Variants in PCCA observed in about 807,000 individuals in gnomAD.
PCCA encodes the protein propionyl-CoA carboxylase subunit alpha.
Under a neutral mutation model 101.3 loss-of-function variants are expected in PCCA, and 74 were observed. The observed-to-expected ratio is 0.73, with a 90% CI of 0.61 to 0.89. The LOEUF is 0.89. Ranked by LOEUF, PCCA falls within the 40% of genes least tolerant of loss-of-function variation. The pLI is 0.00. For synonymous variants in PCCA, 294 were observed against 313.6 expected (o/e 0.94, Z 0.66); for missense variants, 891 against 907.0 (o/e 0.98, Z 0.23).
At chr13:100,521,461 G>T (rs1250490160) in intron 22 of PCCA, among the ~76,000 whole-genome samples, 1 of 152,226 alleles carries the variant, frequency 6.6e-6, no homozygotes, top group African/African-American at 2.4e-5. Context: ...GTCTGTCTTT[G>T]TAATTTGATG....
chr13:100,143,759 G>GTTT (rs1566568451), intron 4 of PCCA, among the ~76,000 whole-genome samples: 1 of 151,322 alleles, frequency 6.6e-6, no homozygotes, highest in Non-Finnish European at 1.5e-5. Context: ...TGTTGTTGTT[G>GTTT]TTTGTTTGGT....
chr13:100,366,612 C>T (rs892936530), intron 18 of PCCA, among the ~76,000 whole-genome samples: 1 of 151,984 alleles, frequency 6.6e-6, no homozygotes, highest in African/African-American at 2.4e-5. Flanking sequence ...CTGCTCAGAC[C>T]TCCTTTTCTT....
rs192903345 is a variant in PCCA, at chr13:100,240,814, C to T, written c.637+4936C>T. Among the ~76,000 whole-genome samples, 232 of 152,204 alleles carry T rather than the reference C, an allele frequency of 1.5e-3. 2 individuals carry two copies. Among genetic ancestry groups the T allele is most frequent in the Non-Finnish European group, 2.8e-3 (191 of 68,008 alleles). On this transcript the variant is annotated intron_variant, in intron 8 of 23. Coordinates refer to ENST00000376285, the MANE Select transcript of PCCA (RefSeq NM_000282.4). ...CCAGTATATGTCCCATTAAATACTT[C>T]AACATGTGTTATTAATTGAATTCAG...
rs74872175 is a variant in PCCA at position 100,424,503 on chromosome 13, G to C, written c.1747-1130G>C. Among the ~76,000 whole-genome samples the C allele has an allele frequency of 2.9e-3, 439 of 152,240 alleles. 2 individuals carry two copies. The highest frequency in any genetic ancestry group is 0.01 in the African/African-American group (425 of 41,530). On this transcript the variant is annotated intron_variant, in intron 19 of 23. Transcript: ENST00000376285. ...CCCCTCCCTCCAGCCATGCTGCGCT[G>C]TTGCTGCCACGCCATATTCAGAATG...
At chr13:100,529,085 G>C (rs2088138690) in intron 23 of PCCA, among the ~76,000 whole-genome samples, 1 of 152,096 alleles carries the variant, frequency 6.6e-6, no homozygotes, top group African/African-American at 2.4e-5. Context: ...TGTGCATTCT[G>C]TTCACCTCAC....
intron 18 of PCCA, among the ~76,000 whole-genome samples, chr13:100,357,675 C>T (rs767419317): frequency 1.2e-4 from 19 of 152,258 alleles, no homozygotes; most frequent in South Asian, 8.3e-4. Context: ...CAACCAAATA[C>T]GACCCCTAAA....
chr13:100,299,770 C>T (rs143360666), intron 12 of PCCA, among the ~76,000 whole-genome samples: 288 of 152,202 alleles, frequency 1.9e-3, no homozygotes, highest in South Asian at 9.1e-3. Flanking sequence ...GACTGGAGTA[C>T]AGTGGTGCAA....
chr13:100,127,080 G>C (rs553135933), intron 4 of PCCA, among the ~76,000 whole-genome samples: 1 of 152,184 alleles, frequency 6.6e-6, no homozygotes, highest in Non-Finnish European at 1.5e-5. Context: ...GCCACCCGGA[G>C]TTAAAGGTAA....
intron 7 of PCCA, among the ~76,000 whole-genome samples, chr13:100,211,594 C>G (rs141266812): frequency 2.6e-5 from 4 of 152,090 alleles, no homozygotes; most frequent in Non-Finnish European, 4.4e-5. Flanking sequence ...GATTCCTTCC[C>G]GATTGTTCTT....
At chr13:100,262,671 C>T in intron 9 of PCCA, 58 bp from the exon 10 acceptor site, 1 of 751,948 alleles carries the variant, frequency 1.3e-6, no homozygotes. Context: ...TCTCCTTCTT[C>T]CCCTTCCCCT....
intron 4 of PCCA, among the ~76,000 whole-genome samples, chr13:100,122,073 A>G (rs967983739): frequency 1.3e-5 from 2 of 152,046 alleles, no homozygotes; most frequent in African/African-American, 4.8e-5. Flanking sequence ...CAGGTGTTGC[A>G]TTTTTTCAAA....
intron 4 of PCCA, among the ~76,000 whole-genome samples, chr13:100,144,395 A>G (rs1242756444): frequency 1.3e-5 from 2 of 152,186 alleles, no homozygotes; most frequent in East Asian, 3.9e-4. Context: ...TGATGTCTGC[A>G]TAGATACTAG....
chr13:100,433,589 C>T (rs1406330444), intron 20 of PCCA, among the ~76,000 whole-genome samples: 1 of 151,950 alleles, frequency 6.6e-6, no homozygotes, highest in Non-Finnish European at 1.5e-5. Context: ...AATGTTGCTA[C>T]CAGGTAATAA....
At chr13:100,130,040 A>G (rs1453365051) in intron 4 of PCCA, among the ~76,000 whole-genome samples, 3 of 152,244 alleles carry the variant, frequency 2.0e-5, no homozygotes, top group African/African-American at 7.2e-5. Flanking sequence ...ATATGAACTC[A>G]CTGTGCCATC....
chr13:100,401,082 T>C (rs1251598929), intron 19 of PCCA, among the ~76,000 whole-genome samples: 1 of 152,210 alleles, frequency 6.6e-6, no homozygotes, highest in Non-Finnish European at 1.5e-5. Context: ...TATTTCAGAC[T>C]ATTGTTTCTT....
chr13:100,371,636 C>T (rs973233163), intron 19 of PCCA, among the ~76,000 whole-genome samples: 5 of 152,166 alleles, frequency 3.3e-5, no homozygotes, highest in African/African-American at 9.7e-5. Flanking sequence ...ACAGATACAA[C>T]GCCATCCCTA....
intron 6 of PCCA, among the ~76,000 whole-genome samples, chr13:100,207,843 C>T (rs1369218467): frequency 4.6e-5 from 7 of 151,780 alleles, no homozygotes; most frequent in African/African-American, 1.5e-4. Context: ...TATGGTGAAA[C>T]CCCATCTCTA....
chr13:100,515,287 C>T, intron 21 of PCCA, 140 bp from the exon 22 acceptor site: 1 of 753,712 alleles, frequency 1.3e-6, no homozygotes, highest in Non-Finnish European at 2.3e-6. Context: ...TTGATGTGTG[C>T]AGCAATTGAG....
chr13:100,446,807 G>A (rs1310138312), intron 20 of PCCA, among the ~76,000 whole-genome samples: 3 of 152,192 alleles, frequency 2.0e-5, no homozygotes, highest in East Asian at 1.9e-4. Flanking sequence ...TAAGTTTTAT[G>A]TGCACTAATT....
Sources: allele counts gnomAD v4.1 joint callset (sites outside exome capture counted in the v4.1 genomes callset), GRCh38; gene constraint gnomAD v4.1.1; transcripts MANE v1.5; gene names NCBI Gene and HGNC (gene_info 2026-07-23, HGNC 2026-07-21).